DLGAP1: variants seen among roughly 807,000 people sequenced by gnomAD.
The protein encoded by DLGAP1 is DLG associated protein 1.
Under a neutral mutation model 90.8 loss-of-function variants are expected in DLGAP1, and 11 were observed. The ratio of observed to expected loss-of-function variants is 0.12; its 90% confidence interval spans 0.08 to 0.20. DLGAP1 has a LOEUF of 0.20. Ranked by LOEUF, DLGAP1 falls within the 10% of genes least tolerant of loss-of-function variation. The pLI, the probability that DLGAP1 is intolerant of heterozygous loss-of-function variation, is 1.00. For missense variants in DLGAP1, 1,050 were observed against 1,333.8 expected, an observed-to-expected ratio of 0.79 and a Z score of 3.31; for synonymous variants, 558 against 540.7, an observed-to-expected ratio of 1.03 and a Z score of -0.44.
chr18:3,948,880 A>G (rs1174947117), intron 3 of DLGAP1, among the ~76,000 whole-genome samples: 1 of 152,152 alleles, frequency 6.6e-6, no homozygotes, highest in Non-Finnish European at 1.5e-5. Context: ...GAACTTACTC[A>G]TGTAACCAAA....
At chr18:3,672,462 A>T (rs1209227526) in intron 7 of DLGAP1, among the ~76,000 whole-genome samples, 1 of 151,572 alleles carries the variant, frequency 6.6e-6, no homozygotes, top group Non-Finnish European at 1.5e-5. Context: ...CTGTAATCCC[A>T]GGTACTCTGG....
Position 3,498,926 on chromosome 18 carries a change from T to A in DLGAP1, c.*259A>T, listed in dbSNP as rs369742157. ...TTTGCCCAGAAAATAAAGGGTTGGA[T>A]CTCAGTATGAGGCAGGGCGACGGCA... On this transcript the variant is annotated 3_prime_UTR_variant, in exon 13 of 13. Transcript: ENST00000315677. 4.0e-6 allele frequency: 2 copies of A among 506,282 alleles called. No homozygotes were observed. The highest frequency in any genetic ancestry group is 3.0e-5 in the South Asian group (1 of 33,082). 31.4% of individuals were successfully genotyped at this position (506,282 alleles called of 1,614,324 possible).
intron 1 of DLGAP1, among the ~76,000 whole-genome samples, chr18:4,208,820 G>C (rs76935778): frequency 0.054 from 8,161 of 152,000 alleles, 281 homozygotes; most frequent in African/African-American, 0.1. Flanking sequence ...GGTGGAGAGA[G>C]AGAGAATGAA....
chr18:4,399,213 A>G (rs967223306), intron 1 of DLGAP1, among the ~76,000 whole-genome samples: 1 of 152,244 alleles, frequency 6.6e-6, no homozygotes, highest in Non-Finnish European at 1.5e-5. Context: ...AAGTTGTTAA[A>G]AAGAAAGGAT....
intron 1 of DLGAP1, among the ~76,000 whole-genome samples, chr18:4,339,810 T>C (rs1268116671): frequency 6.6e-6 from 1 of 152,170 alleles, no homozygotes; most frequent in African/African-American, 2.4e-5. Flanking sequence ...GTCCTGCCAA[T>C]GAAAAAGCAC....
chr18:3,692,516 T>C (rs1598369178), intron 7 of DLGAP1, among the ~76,000 whole-genome samples: 1 of 152,306 alleles, frequency 6.6e-6, no homozygotes, highest in East Asian at 1.9e-4. Flanking sequence ...TGGGGAGGCA[T>C]AAGCTCTTCA....
chr18:4,392,019 A>G (rs1235182715), intron 1 of DLGAP1, among the ~76,000 whole-genome samples: 4 of 152,198 alleles, frequency 2.6e-5, no homozygotes, highest in African/African-American at 9.6e-5. Context: ...GAAACCCTTA[A>G]AAGGAGAAAT....
chr18:3,917,997 C>T (rs933653714), intron 3 of DLGAP1, among the ~76,000 whole-genome samples: 2 of 152,154 alleles, frequency 1.3e-5, no homozygotes, highest in African/African-American at 4.8e-5. Context: ...GGCTCTCCCT[C>T]CTTCATAATC....
intron 3 of DLGAP1, among the ~76,000 whole-genome samples, chr18:3,979,874 G>A (rs767664231): frequency 6.6e-6 from 1 of 152,134 alleles, no homozygotes; most frequent in Non-Finnish European, 1.5e-5. Flanking sequence ...GGTGGCTCAC[G>A]CCTGTAATCC....
At chr18:4,174,303 G>A (rs1022292851) in intron 1 of DLGAP1, among the ~76,000 whole-genome samples, 3 of 151,952 alleles carry the variant, frequency 2.0e-5, no homozygotes, top group South Asian at 2.1e-4. Flanking sequence ...TGGACATACT[G>A]ATTAACTTCA....
At chr18:3,793,136 C>CCT (rs1033292466) in intron 5 of DLGAP1, among the ~76,000 whole-genome samples, 2 of 152,150 alleles carry the variant, frequency 1.3e-5, no homozygotes, top group Non-Finnish European at 2.9e-5. Context: ...AATTGCTTGC[C>CCT]CTCTCTCTCT....
chr18:4,164,828 A>C (rs574066393), intron 1 of DLGAP1, among the ~76,000 whole-genome samples: 5 of 152,320 alleles, frequency 3.3e-5, no homozygotes, highest in African/African-American at 1.2e-4. Flanking sequence ...AGAACTAAAA[A>C]ATAGAAAAAC....
At chr18:3,705,256 A>G (rs1479317489) in intron 7 of DLGAP1, among the ~76,000 whole-genome samples, 1 of 151,666 alleles carries the variant, frequency 6.6e-6, no homozygotes, top group East Asian at 1.9e-4. Context: ...TGAAGGGATT[A>G]TTCCAGTTTA....
chr18:4,178,544 G>C (rs952034194), intron 1 of DLGAP1, among the ~76,000 whole-genome samples: 1 of 152,084 alleles, frequency 6.6e-6, no homozygotes, highest in African/African-American at 2.4e-5. Flanking sequence ...TTCAGAAATA[G>C]AATAAGGTGC....
At chr18:4,095,031 T>C (rs2075653909) in intron 2 of DLGAP1, among the ~76,000 whole-genome samples, 1 of 152,178 alleles carries the variant, frequency 6.6e-6, no homozygotes, top group South Asian at 2.1e-4. Flanking sequence ...GTCAGCAGTA[T>C]CACCTTCAAC....
At chr18:4,232,227 T>A (rs999169106) in intron 1 of DLGAP1, among the ~76,000 whole-genome samples, 1 of 152,156 alleles carries the variant, frequency 6.6e-6, no homozygotes, top group Non-Finnish European at 1.5e-5. Context: ...GTAATGTTCA[T>A]TATAGCAAAA....
intron 2 of DLGAP1, among the ~76,000 whole-genome samples, chr18:4,025,490 G>A (rs1194013686): frequency 6.6e-6 from 1 of 152,112 alleles, no homozygotes; most frequent in African/African-American, 2.4e-5. Flanking sequence ...CACTCAACCT[G>A]TATAACCATT....
intron 1 of DLGAP1, among the ~76,000 whole-genome samples, chr18:4,280,055 C>CT (rs1421969388): frequency 1.3e-5 from 2 of 152,098 alleles, no homozygotes; most frequent in Non-Finnish European, 2.9e-5. Context: ...CTGACATTTA[C>CT]TTTTTTTCAT....
At chr18:3,786,428 A>G (rs535575764) in intron 5 of DLGAP1, among the ~76,000 whole-genome samples, 1 of 152,260 alleles carries the variant, frequency 6.6e-6, no homozygotes, top group Non-Finnish European at 1.5e-5. Flanking sequence ...CTTAATGAGA[A>G]TAAACCAGTA....
Sources: allele counts gnomAD v4.1 joint callset (sites outside exome capture counted in the v4.1 genomes callset), GRCh38; gene constraint gnomAD v4.1.1; transcripts MANE v1.5; gene names NCBI Gene and HGNC (gene_info 2026-07-23, HGNC 2026-07-21).